MEF2C: variants seen among roughly 807,000 people sequenced by gnomAD.
MEF2C encodes myocyte-specific enhancer factor 2C.
MEF2C carries 6 observed loss-of-function variants against 50.5 expected under a neutral mutation model. The observed-to-expected ratio is 0.12, with a 90% CI of 0.07 to 0.23. The LOEUF (loss-of-function observed/expected upper bound fraction) is 0.23. Among genes scored for constraint, MEF2C ranks in the 10% least tolerant of loss-of-function variants. MEF2C has a pLI of 1.00. For missense variants in MEF2C, 276 were observed against 605.0 expected, an observed-to-expected ratio of 0.46 and a Z score of 5.70; for synonymous variants, 183 against 228.0, an observed-to-expected ratio of 0.80 and a Z score of 1.78.
At position 88,789,682 on chromosome 5, in the gene MEF2C, T is replaced by C. The variant is rs972544208; in HGVS notation, c.258+14916A>G. ...TTAACTCTATGACCTTTAGAAATAA[T>C]TGACAGAGAATTTTTTTTCTTATTC... On this transcript the variant is annotated intron_variant, in intron 3 of 10. Transcript: ENST00000504921. 8.1e-4 allele frequency among the ~76,000 whole-genome samples: 123 copies of C among 152,300 alleles called. 1 individual carries two copies. The highest frequency in any genetic ancestry group is 4.1e-4 in the Non-Finnish European group (28 of 68,024).
chr5:88,866,056 C>T (rs998967409), intron 1 of MEF2C, among the ~76,000 whole-genome samples: 3 of 152,158 alleles, frequency 2.0e-5, no homozygotes, highest in East Asian at 3.9e-4. Flanking sequence ...CAACCACGCC[C>T]GGCTAATTTT....
chr5:88,876,256 T>C (rs182348349), intron 1 of MEF2C, among the ~76,000 whole-genome samples: 2 of 152,030 alleles, frequency 1.3e-5, no homozygotes. Context: ...CACTATATTC[T>C]TAAAATGTGT....
intron 1 of MEF2C, among the ~76,000 whole-genome samples, chr5:88,864,253 T>A (rs185604162): frequency 1.3e-5 from 2 of 152,010 alleles, no homozygotes; most frequent in Non-Finnish European, 2.9e-5. Context: ...ATTAGCCTTA[T>A]TTGATCATGC....
chr5:88,739,524 T>A, intron 6 of MEF2C: 1 of 980,734 alleles, frequency 1.0e-6, no homozygotes, highest in Non-Finnish European at 1.2e-6. Flanking sequence ...AACATACATC[T>A]TTTTATAGAA....
rs1432884730 is a variant in MEF2C, at chr5:88,718,068, A to G, written c.*4536T>C. 6.6e-6 allele frequency: 1 copy of G among 152,172 alleles called. No individual in the cohort carries two copies. The highest frequency in any genetic ancestry group is 1.5e-5 in the Non-Finnish European group (1 of 68,020). 9.4% of individuals were successfully genotyped at this position (152,172 alleles called of 1,614,324 possible). A position where few individuals can be genotyped will look rare whatever the true frequency, so the allele number is the denominator to read the frequency against. On this transcript the variant is annotated 3_prime_UTR_variant, in exon 11 of 11. Transcript: ENST00000504921. ...TACCCTAAGAACCGTCATCCAATTC[A>G]CACCCCTCCCACACAGACACACATA...
intron 1 of MEF2C, among the ~76,000 whole-genome samples, chr5:88,896,567 C>G (rs1476718153): frequency 6.6e-6 from 1 of 152,162 alleles, no homozygotes; most frequent in African/African-American, 2.4e-5. Flanking sequence ...TGTGCAAAGA[C>G]AGGGTACATA....
At chr5:88,873,767 CATGAA>C (rs1830279792) in intron 1 of MEF2C, among the ~76,000 whole-genome samples, 1 of 105,074 alleles carries the variant, frequency 9.5e-6, no homozygotes, top group East Asian at 3.0e-4. Context: ...AATATTCAAA[CATGAA>C]ATGAAAGAAA....
intron 1 of MEF2C, among the ~76,000 whole-genome samples, chr5:88,894,709 G>A (rs1466511345): frequency 6.6e-6 from 1 of 152,160 alleles, no homozygotes; most frequent in Non-Finnish European, 1.5e-5. Context: ...GAATTTCAAA[G>A]TATTTTTGAT....
chr5:88,792,128 G>T (rs934537568), intron 3 of MEF2C, among the ~76,000 whole-genome samples: 2 of 152,070 alleles, frequency 1.3e-5, no homozygotes, highest in East Asian at 3.9e-4. Flanking sequence ...CTTTTCTGGA[G>T]AAATTAATTT....
At chr5:88,788,163 C>T (rs948322361) in intron 3 of MEF2C, among the ~76,000 whole-genome samples, 1 of 138,794 alleles carries the variant, frequency 7.2e-6, no homozygotes, top group Non-Finnish European at 1.6e-5. Context: ...AACCATCATG[C>T]CAGTTTGTTT....
intron 1 of MEF2C, among the ~76,000 whole-genome samples, chr5:88,881,851 T>C (rs1832981951): frequency 6.6e-6 from 1 of 151,440 alleles, no homozygotes; most frequent in South Asian, 2.1e-4. Context: ...AGATTCACAA[T>C]AGTAAAACGC....
chr5:88,786,607 C>T (rs1215871927), intron 3 of MEF2C, among the ~76,000 whole-genome samples: 1 of 152,090 alleles, frequency 6.6e-6, no homozygotes, highest in Non-Finnish European at 1.5e-5. Context: ...AAATTATAAC[C>T]ATCTGTTTAT....
At chr5:88,734,165 A>G in intron 6 of MEF2C, 1 of 985,202 alleles carries the variant, frequency 1.0e-6, no homozygotes, top group Non-Finnish European at 1.2e-6. Flanking sequence ...GTTTGAATTA[A>G]TAGATTCTAC....
At chr5:88,749,685 G>A (rs2152502789) in intron 5 of MEF2C, among the ~76,000 whole-genome samples, 1 of 152,288 alleles carries the variant, frequency 6.6e-6, no homozygotes, top group Non-Finnish European at 1.5e-5. Context: ...ATTTGGCAAT[G>A]TTTATTTATG....
At chr5:88,772,682 A>G (rs1002340483) in intron 3 of MEF2C, 2 of 953,808 alleles carry the variant, frequency 2.1e-6, no homozygotes, top group Non-Finnish European at 2.5e-6. Context: ...CTTCCCACAT[A>G]ATACGTGACA....
At chr5:88,798,107 C>A (rs1175600627) in intron 3 of MEF2C, among the ~76,000 whole-genome samples, 1 of 151,878 alleles carries the variant, frequency 6.6e-6, no homozygotes, top group African/African-American at 2.4e-5. Flanking sequence ...CTTGGTGAAT[C>A]TGATTGTGTC....
intron 1 of MEF2C, among the ~76,000 whole-genome samples, chr5:88,826,673 C>T (rs565795245): frequency 2.6e-5 from 4 of 151,870 alleles, no homozygotes; most frequent in Non-Finnish European, 4.4e-5. Context: ...CCTAGAGAGG[C>T]GAAGAAAGAG....
chr5:88,863,220 A>G (rs1275793089), intron 1 of MEF2C, among the ~76,000 whole-genome samples: 2 of 152,226 alleles, frequency 1.3e-5, no homozygotes, highest in Non-Finnish European at 2.9e-5. Flanking sequence ...TGTTTATCAC[A>G]TTACATTTAT....
intron 1 of MEF2C, among the ~76,000 whole-genome samples, chr5:88,851,997 A>G (rs1821532642): frequency 1.3e-5 from 2 of 152,180 alleles, no homozygotes; most frequent in Non-Finnish European, 2.9e-5. Context: ...TTTGTTTGCA[A>G]CATTTCCATA....
Sources: gnomAD v4.1 joint callset for allele counts (sites outside exome capture counted in the v4.1 genomes callset) on GRCh38, gnomAD v4.1.1 for gene constraint, MANE v1.5 for transcripts, NCBI Gene and HGNC (gene_info 2026-07-23, HGNC 2026-07-21) for gene names.